The following BMAL1 variants were observed in gnomAD, a reference collection of about 807,000 sequenced individuals.
The protein encoded by BMAL1 is basic helix-loop-helix ARNT-like protein 1.
At chr11:13,333,907 A>G in the BMAL1 span, among the ~76,000 whole-genome samples, 12 of 151,792 alleles carry the variant, frequency 7.9e-5, no homozygotes, top group East Asian at 2.3e-3. Flanking sequence ...TTCCCTCTCC[A>G]CCCACTCTAT....
chr11:13,340,534 A>G, the BMAL1 span, among the ~76,000 whole-genome samples: 6 of 152,122 alleles, frequency 3.9e-5, no homozygotes, highest in African/African-American at 1.4e-4. Flanking sequence ...TTCACTTTTC[A>G]GATTCTTTGG....
the BMAL1 span, chr11:13,376,444 C>T: frequency 3.2e-6 from 2 of 625,270 alleles, no homozygotes. Context: ...AAGGCCTAGG[C>T]AGGCAGTGGG....
At chr11:13,345,128 C>T in the BMAL1 span, among the ~76,000 whole-genome samples, 1 of 152,226 alleles carries the variant, frequency 6.6e-6, no homozygotes, top group Non-Finnish European at 1.5e-5. Context: ...AAGTGACATT[C>T]TTGGGCTTCA....
chr11:13,296,817 A>G, the BMAL1 span, among the ~76,000 whole-genome samples: 1 of 152,368 alleles, frequency 6.6e-6, no homozygotes, highest in African/African-American at 2.4e-5. Flanking sequence ...GAATATGGCC[A>G]TCAGCTCTGC....
chr11:13,382,366 G>A, the BMAL1 span, among the ~76,000 whole-genome samples: 3 of 152,176 alleles, frequency 2.0e-5, no homozygotes, highest in Non-Finnish European at 2.9e-5. Flanking sequence ...TCAAGCCCTA[G>A]TTTTCTTTAT....
the BMAL1 span, among the ~76,000 whole-genome samples, chr11:13,358,252 C>T: frequency 6.6e-6 from 1 of 152,306 alleles, no homozygotes; most frequent in South Asian, 2.1e-4. Flanking sequence ...TAATACTGAC[C>T]TGGCAGTGAG....
At chr11:13,290,704 A>T in the BMAL1 span, among the ~76,000 whole-genome samples, 1 of 152,056 alleles carries the variant, frequency 6.6e-6, no homozygotes, top group Non-Finnish European at 1.5e-5. Context: ...GGGTAATGTC[A>T]GTTCTGTTTT....
the BMAL1 span, among the ~76,000 whole-genome samples, chr11:13,278,333 C>T: frequency 7.2e-3 from 1,102 of 152,314 alleles, 11 homozygotes; most frequent in African/African-American, 0.025. Context: ...CCCTTGGGGG[C>T]AGTGACTCGG....
chr11:13,383,744 C>A, the BMAL1 span, among the ~76,000 whole-genome samples: 1 of 151,928 alleles, frequency 6.6e-6, no homozygotes, highest in South Asian at 2.1e-4. Flanking sequence ...CCAGCTACTC[C>A]GGGGACTGAG....
At chr11:13,378,565 A>T in the BMAL1 span, 2 of 1,379,500 alleles carry the variant, frequency 1.4e-6, no homozygotes, top group Admixed American at 2.3e-5. Context: ...ACTGGGTGGG[A>T]GGTTGCTACT....
At chr11:13,358,809 G>A in the BMAL1 span, among the ~76,000 whole-genome samples, 2 of 152,240 alleles carry the variant, frequency 1.3e-5, no homozygotes, top group Middle Eastern at 3.2e-3. Context: ...CACATTCTCA[G>A]AGCATAGAAA....
the BMAL1 span, among the ~76,000 whole-genome samples, chr11:13,326,672 T>A: frequency 6.6e-6 from 1 of 151,884 alleles, no homozygotes; most frequent in African/African-American, 2.4e-5. Flanking sequence ...CTTTTTCACA[T>A]TTAGAAGATA....
chr11:13,281,140 C>T, the BMAL1 span, among the ~76,000 whole-genome samples: 1 of 152,176 alleles, frequency 6.6e-6, no homozygotes, highest in East Asian at 1.9e-4. Context: ...TCACCTCTAC[C>T]CGGGTCCTAT....
At chr11:13,312,478 G>A in the BMAL1 span, among the ~76,000 whole-genome samples, 1 of 152,148 alleles carries the variant, frequency 6.6e-6, no homozygotes, top group Admixed American at 6.5e-5. Flanking sequence ...AGAAGTGTGG[G>A]AAGTCTGGAA....
the BMAL1 span, among the ~76,000 whole-genome samples, chr11:13,300,874 C>T: frequency 6.6e-6 from 1 of 152,114 alleles, no homozygotes; most frequent in South Asian, 2.1e-4. Flanking sequence ...TGCTTTGAGC[C>T]TGAGGTATGT....
the BMAL1 span, chr11:13,365,668 T>G: frequency 1.6e-6 from 2 of 1,213,136 alleles, no homozygotes; most frequent in East Asian, 2.4e-5. Flanking sequence ...TCAGAATAAT[T>G]ATAGTATACA....
chr11:13,366,749 A>T, the BMAL1 span: 2 of 1,614,080 alleles, frequency 1.2e-6, no homozygotes, highest in Non-Finnish European at 1.7e-6. Flanking sequence ...CTCCTCTGAC[A>T]CCGCACCCCG....
At chr11:13,368,302 G>A in the BMAL1 span, among the ~76,000 whole-genome samples, 2 of 152,204 alleles carry the variant, frequency 1.3e-5, no homozygotes, top group Admixed American at 6.5e-5. Context: ...GATGACAACC[G>A]AGGTGGGTTT....
chr11:13,352,254 C>T, the BMAL1 span, among the ~76,000 whole-genome samples: 1 of 152,100 alleles, frequency 6.6e-6, no homozygotes, highest in Non-Finnish European at 1.5e-5. Flanking sequence ...AGTATGAAGT[C>T]CTTCATAGCA....
Sources: gnomAD v4.1 joint callset for allele counts (sites outside exome capture counted in the v4.1 genomes callset) on GRCh38, gnomAD v4.1.1 for gene constraint, MANE v1.5 for transcripts, NCBI Gene and HGNC (gene_info 2026-07-23, HGNC 2026-07-21) for gene names.